The following FECH variants were observed in gnomAD, a reference collection of about 807,000 sequenced individuals.
FECH encodes ferrochelatase, mitochondrial.
In FECH, 40 loss-of-function variants were observed where a neutral mutation model predicts 56.9. The ratio of observed to expected loss-of-function variants is 0.70; its 90% CI spans 0.55 to 0.92. FECH has a LOEUF of 0.92. Ranked by LOEUF, FECH falls within the 40% of genes least tolerant of loss-of-function variation. The probability of loss-of-function intolerance (pLI) is 0.00; values close to 1 mark genes in which losing one functional copy is unlikely to be tolerated. For synonymous variants in FECH, 175 were observed against 198.6 expected (o/e 0.88, Z 1.00); for missense variants, 431 against 529.1 (o/e 0.81, Z 1.82).
Position 57,548,250 on chromosome 18 carries a change from T to TAAAAAAAA in FECH, c.*2454_*2461dup, listed in dbSNP as rs529946604. 2 of 129,970 alleles carry TAAAAAAAA rather than the reference T, an allele frequency of 1.5e-5. No homozygotes were observed. The highest frequency in any genetic ancestry group is 3.3e-5 in the Non-Finnish European group (2 of 61,068). 8.1% of individuals were successfully genotyped at this position (129,970 alleles called of 1,614,324 possible). On this transcript the variant is annotated 3_prime_UTR_variant, in exon 11 of 11. Transcript: ENST00000262093. Reference sequence around the variant, plus strand: ...TGGGTGACATAGCAAGACTCCATCTTAAAAAAAAAAAAAAACAAAACAAAA... The same window carrying TAAAAAAAA: ...TGGGTGACATAGCAAGACTCCATCTTAAAAAAAAAAAAAAAAAAAAAAACAAAACAAAA...
intron 4 of FECH, among the ~76,000 whole-genome samples, chr18:57,568,077 T>C (rs2051042424): frequency 6.6e-6 from 1 of 152,206 alleles, no homozygotes; most frequent in Non-Finnish European, 1.5e-5. Flanking sequence ...ACTATTACAA[T>C]ACCATCAAAT....
chr18:57,579,313 G>GTGTGTGTATATATA (rs531089366), intron 2 of FECH, among the ~76,000 whole-genome samples: 2 of 143,768 alleles, frequency 1.4e-5, no homozygotes, highest in African/African-American at 5.3e-5. Context: ...GTGTGTGTGT[G>GTGTGTGTATATATA]TATATATTCA....
intron 1 of FECH, among the ~76,000 whole-genome samples, chr18:57,580,845 T>C (rs569408031): frequency 6.5e-4 from 99 of 151,956 alleles, no homozygotes; most frequent in African/African-American, 2.2e-3. Context: ...CAGGATTCCC[T>C]GTCCCCCAAG....
rs2050784563 is a variant in FECH at position 57,550,636 on chromosome 18, A to G, written c.*76T>C. ...AGGATGACTTCCTTCCTTGATCTCT[A>G]AATAACACCCTCTCCACATCGGAGG... On this transcript the variant is annotated 3_prime_UTR_variant, in exon 11 of 11. Transcript: ENST00000262093. 4 of 1,591,590 alleles carry G rather than the reference A, an allele frequency of 2.5e-6. No homozygotes were observed. The highest frequency in any genetic ancestry group is 3.4e-6 in the Non-Finnish European group (4 of 1,161,896).
At chr18:57,585,117 C>T (rs1393915912) in intron 1 of FECH, among the ~76,000 whole-genome samples, 2 of 151,788 alleles carry the variant, frequency 1.3e-5, no homozygotes, top group African/African-American at 4.8e-5. Context: ...ATATGGCCCA[C>T]CCCCGGAAGC....
rs185652320 is a variant in FECH at position 57,551,965 on chromosome 18, C to A, written c.1078-591G>T. The stretch of plus-strand genomic sequence containing the variant: ...GTGGCGCAATCTCGGCTCACTGCAA[C>A]CTCTGCGTCCCGGGTTCAAGGGATC... On this transcript the variant is annotated intron_variant, in intron 9 of 10. Transcript: ENST00000262093. Among the ~76,000 whole-genome samples, 3 of 151,092 alleles carry A rather than the reference C, an allele frequency of 2.0e-5. No homozygotes were observed. The East Asian group carries it at 5.9e-4, about 30-fold the overall frequency.
At chr18:57,568,117 T>TTC (rs1198416930) in intron 4 of FECH, among the ~76,000 whole-genome samples, 1 of 152,214 alleles carries the variant, frequency 6.6e-6, no homozygotes, top group African/African-American at 2.4e-5. Context: ...TGATTTGAGC[T>TTC]GAGGTTTAGC....
chr18:57,577,965 TG>T (rs200990670), intron 2 of FECH, among the ~76,000 whole-genome samples: 3,489 of 152,052 alleles, frequency 0.023, 130 homozygotes, highest in African/African-American at 0.08. Flanking sequence ...AGGTTTTTTT[TG>T]TTGCCTATCC....
At chr18:57,573,505 T>C in intron 2 of FECH, 140 bp from the exon 3 acceptor site, 1 of 978,292 alleles carries the variant, frequency 1.0e-6, no homozygotes, top group Non-Finnish European at 1.6e-6. Context: ...GTCACACAGA[T>C]ACCTATTCGG....
rs371455793 is a variant in FECH, at chr18:57,583,348, G to A, written c.68-3149C>T. ...CAGCATTGCGTGGCGTAGAGAGTAC[G>A]TGTTCGGAAACCAGAGAGATCTGAG... On this transcript the variant is annotated intron_variant, in intron 1 of 10. Transcript: ENST00000262093. 1.2e-4 allele frequency among the ~76,000 whole-genome samples: 18 copies of A among 152,362 alleles called. No homozygotes were observed. The East Asian group carries it at 1.7e-3, about 15-fold the overall frequency.
chr18:57,569,571 G>T (rs534553941), intron 4 of FECH, among the ~76,000 whole-genome samples: 1 of 152,318 alleles, frequency 6.6e-6, no homozygotes, highest in Admixed American at 6.5e-5. Flanking sequence ...CCTCACCGGA[G>T]ACAGGAGGTG....
rs548215406 is a variant in FECH, at chr18:57,561,776, C to T, written c.705+1098G>A. Among the ~76,000 whole-genome samples the T allele has an allele frequency of 6.6e-5, 10 of 152,306 alleles. No homozygotes were observed. In the South Asian group the frequency reaches 1.9e-3, roughly 28 times the overall value. On this transcript the variant is annotated intron_variant, in intron 6 of 10. Transcript: ENST00000262093. ...ACATGTCAATGCTGACCTGAAACCCCCCTCCTTTCCAATCGCAGGCCTCCC... is the reference window on the plus strand; with the variant it reads ...ACATGTCAATGCTGACCTGAAACCCTCCTCCTTTCCAATCGCAGGCCTCCC...
intron 5 of FECH, among the ~76,000 whole-genome samples, chr18:57,564,070 G>A (rs890038562): frequency 1.3e-5 from 2 of 152,162 alleles, no homozygotes; most frequent in African/African-American, 2.4e-5. Context: ...TAGAGACGGG[G>A]TTTCTCCATG....
Position 57,571,442 on chromosome 18 carries a change from T to C in FECH, c.413A>G (p.Lys138Arg). The change falls in exon 4 of 11, where the codon AAG becomes AGG. Residue 138 changes from lysine to arginine, a missense_variant. Physicochemically the swap from Lys to Arg is conservative, Grantham distance 26 (BLOSUM62 2). Coordinates refer to ENST00000262093, the MANE Select transcript of FECH (RefSeq NM_000140.5). ...GGSPIKIWTS[K>R]QGEGMVKLLD... is the part of the protein sequence containing the mutation. ...CAGCTTCACCATGCCCTCTCCCTGC[T>C]TGGAAGTCCATATCTTGATGGGGGA... The C allele has an allele frequency of 6.2e-7, 1 of 1,614,032 alleles. No homozygotes were observed. Among genetic ancestry groups the C allele is most frequent in the Non-Finnish European group, 8.5e-7 (1 of 1,180,006 alleles).
chr18:57,568,720 A>G (rs1189758890), intron 4 of FECH, among the ~76,000 whole-genome samples: 1 of 152,218 alleles, frequency 6.6e-6, no homozygotes, highest in Non-Finnish European at 1.5e-5. Flanking sequence ...TAAAAGACAG[A>G]GAAACTAGAT....
intron 7 of FECH, among the ~76,000 whole-genome samples, chr18:57,557,783 CAAG>C (rs1175249672): frequency 2.0e-5 from 3 of 152,062 alleles, no homozygotes; most frequent in Non-Finnish European, 4.4e-5. Flanking sequence ...GGCAACAGAG[CAAG>C]ACCCGTCTCA....
intron 9 of FECH, among the ~76,000 whole-genome samples, chr18:57,553,449 G>A (rs754333348): frequency 5.9e-5 from 9 of 152,166 alleles, no homozygotes; most frequent in Admixed American, 2.6e-4. Flanking sequence ...CTGCAGGATG[G>A]TCCTCCATCT....
At chr18:57,571,704 G>A (rs1421026564) in intron 3 of FECH, 164 bp from the exon 4 acceptor site, 1 of 929,484 alleles carries the variant, frequency 1.1e-6, no homozygotes, top group Non-Finnish European at 1.6e-6. Flanking sequence ...CAGCTCTCTT[G>A]TTGTAGAATA....
In FECH at chr18:57,586,504, G is replaced by T. The variant is rs1253353632; in HGVS notation, c.67+50C>A. 4 of 1,509,426 alleles carry T rather than the reference G, an allele frequency of 2.7e-6. No homozygotes were observed. In the African/African-American group the frequency reaches 4.3e-5, roughly 16 times the overall value. The allele number at this position is 1,509,426 out of a possible 1,614,324, so 93.5% of individuals were successfully genotyped here. A position where few individuals can be genotyped will look rare whatever the true frequency, so the allele number is the denominator to read the frequency against. On this transcript the variant is annotated intron_variant, in intron 1 of 10. Transcript: ENST00000262093. ...GGCGCCAGCTGCCCGCTCTGCCCAC[G>T]CCTTCTCAGGGATCCTGGCCCTGGC...
Sources: allele counts gnomAD v4.1 joint callset (sites outside exome capture counted in the v4.1 genomes callset), GRCh38; gene constraint gnomAD v4.1.1; transcripts MANE v1.5; gene names NCBI Gene and HGNC (gene_info 2026-07-23, HGNC 2026-07-21).